Variants in GALNT17 observed in about 807,000 individuals in gnomAD.
The protein encoded by GALNT17 is UDP-GalNAc:polypeptide N-acetylgalactosaminyltransferase-like 3.
Under a neutral mutation model 63.7 loss-of-function variants are expected in GALNT17, and 29 were observed. The observed-to-expected ratio is 0.46, with a 90% CI of 0.34 to 0.62. GALNT17 has a LOEUF of 0.62. Among genes scored for constraint, GALNT17 ranks in the 20% least tolerant of loss-of-function variants. The probability of loss-of-function intolerance (pLI) is 0.01; values close to 1 mark genes in which losing one functional copy is unlikely to be tolerated. For missense variants in GALNT17, 603 were observed against 799.6 expected, an observed-to-expected ratio of 0.75 and a Z score of 2.97; for synonymous variants, 305 against 318.3, an observed-to-expected ratio of 0.96 and a Z score of 0.45.
chr7:71,411,545 C>A (rs1793430386), intron 3 of GALNT17, among the ~76,000 whole-genome samples: 1 of 152,096 alleles, frequency 6.6e-6, no homozygotes, highest in Non-Finnish European at 1.5e-5. Context: ...GGCTCTTGCA[C>A]CCCACCTCTT....
chr7:71,680,840 CCTTT>C, intron 9 of GALNT17, among the ~76,000 whole-genome samples: 1 of 145,048 alleles, frequency 6.9e-6, no homozygotes, highest in Non-Finnish European at 1.5e-5. Context: ...TTCCTTTCTT[CCTTT>C]CCTTTCCTTT....
chr7:71,482,420 G>A (rs2116646944), intron 5 of GALNT17, among the ~76,000 whole-genome samples: 1 of 152,282 alleles, frequency 6.6e-6, no homozygotes, highest in East Asian at 1.9e-4. Context: ...AAAGTACTGG[G>A]ATTACAGGTG....
chr7:71,203,092 A>C, intron 1 of GALNT17, among the ~76,000 whole-genome samples: 1 of 152,196 alleles, frequency 6.6e-6, no homozygotes, highest in East Asian at 1.9e-4. Context: ...TATTGTGAGT[A>C]GGGCTGCAAT....
chr7:71,689,507 G>C (rs1224225008), intron 9 of GALNT17, among the ~76,000 whole-genome samples: 1 of 152,204 alleles, frequency 6.6e-6, no homozygotes, highest in African/African-American at 2.4e-5. Flanking sequence ...TCCAGAACAA[G>C]GGCCTAGTTC....
intron 9 of GALNT17, among the ~76,000 whole-genome samples, chr7:71,683,405 A>G (rs1791300032): frequency 6.6e-6 from 1 of 152,196 alleles, no homozygotes; most frequent in South Asian, 2.1e-4. Context: ...GGGTGCAAAC[A>G]GTGGCAGAAT....
At chr7:71,414,313 T>G (rs1793485635) in intron 3 of GALNT17, among the ~76,000 whole-genome samples, 1 of 152,148 alleles carries the variant, frequency 6.6e-6, no homozygotes, top group South Asian at 2.1e-4. Context: ...TCATAGGAAG[T>G]TATGTAATTG....
chr7:71,422,182 T>C (rs1242408768), intron 5 of GALNT17, among the ~76,000 whole-genome samples: 1 of 152,094 alleles, frequency 6.6e-6, no homozygotes. Flanking sequence ...TTCTGGGGGC[T>C]CTTGGGAGAT....
chr7:71,213,199 A>T (rs1178215234), intron 1 of GALNT17, among the ~76,000 whole-genome samples: 1 of 152,146 alleles, frequency 6.6e-6, no homozygotes, highest in Non-Finnish European at 1.5e-5. Flanking sequence ...ATGATAGTGA[A>T]TATCTCACGA....
At chr7:71,170,046 T>G (rs6961210) in intron 1 of GALNT17, among the ~76,000 whole-genome samples, 1 of 151,822 alleles carries the variant, frequency 6.6e-6, no homozygotes, top group African/African-American at 2.4e-5. Context: ...AAGTGATCCT[T>G]TCACCTCATC....
At chr7:71,224,280 A>G (rs2116428037) in intron 1 of GALNT17, among the ~76,000 whole-genome samples, 1 of 152,254 alleles carries the variant, frequency 6.6e-6, no homozygotes, top group South Asian at 2.1e-4. Context: ...TCTGACCTCA[A>G]GGGATCCTTC....
chr7:71,182,702 C>T (rs1366122692), intron 1 of GALNT17, among the ~76,000 whole-genome samples: 1 of 152,090 alleles, frequency 6.6e-6, no homozygotes, highest in African/African-American at 2.4e-5. Flanking sequence ...CCAAATGTTA[C>T]AGCAGATCTT....
At chr7:71,389,258 C>G (rs992646852) in intron 3 of GALNT17, among the ~76,000 whole-genome samples, 1 of 152,012 alleles carries the variant, frequency 6.6e-6, no homozygotes. Context: ...CTTAGCCTCC[C>G]GAGTAGCTGG....
chr7:71,478,265 C>G (rs1199624725), intron 5 of GALNT17, among the ~76,000 whole-genome samples: 1 of 152,040 alleles, frequency 6.6e-6, no homozygotes, highest in Non-Finnish European at 1.5e-5. Flanking sequence ...TGATCACTCT[C>G]CTTATGTTTG....
At chr7:71,298,714 GTGTGTGTGTGTGTGT>G (rs1791131262) in intron 1 of GALNT17, among the ~76,000 whole-genome samples, 1 of 57,782 alleles carries the variant, frequency 1.7e-5, no homozygotes, top group Non-Finnish European at 4.1e-5. Flanking sequence ...CCAGTGGGGT[GTGTGTGTGTGTGTGT>G]GTGTGTGTGT....
At chr7:71,250,420 T>C (rs1272894673) in intron 1 of GALNT17, among the ~76,000 whole-genome samples, 1 of 152,114 alleles carries the variant, frequency 6.6e-6, no homozygotes. Flanking sequence ...CTAAAGGAGT[T>C]TTTTGACAGT....
intron 1 of GALNT17, among the ~76,000 whole-genome samples, chr7:71,149,095 C>CT (rs1489650066): frequency 6.6e-6 from 1 of 151,660 alleles, no homozygotes; most frequent in Admixed American, 6.6e-5. Context: ...TATAAACTAT[C>CT]TTTTTCTGGA....
At chr7:71,589,375 C>A (rs1264485040) in intron 6 of GALNT17, among the ~76,000 whole-genome samples, 1 of 152,030 alleles carries the variant, frequency 6.6e-6, no homozygotes, top group Admixed American at 6.6e-5. Context: ...CCCAGGAGTT[C>A]AAGACCAGCC....
chr7:71,140,672 A>T (rs1787871398), intron 1 of GALNT17, among the ~76,000 whole-genome samples: 1 of 152,204 alleles, frequency 6.6e-6, no homozygotes, highest in African/African-American at 2.4e-5. Context: ...AGCACACCCA[A>T]GCCCAAGGCC....
At chr7:71,461,750 C>G (rs1288488132) in intron 5 of GALNT17, among the ~76,000 whole-genome samples, 1 of 152,316 alleles carries the variant, frequency 6.6e-6, no homozygotes, top group African/African-American at 2.4e-5. Context: ...CCAGGCGGGT[C>G]CTCCTGCTGA....
Sources: gnomAD v4.1 joint callset for allele counts (sites outside exome capture counted in the v4.1 genomes callset) on GRCh38, gnomAD v4.1.1 for gene constraint, MANE v1.5 for transcripts, NCBI Gene and HGNC (gene_info 2026-07-23, HGNC 2026-07-21) for gene names.